The following MFSD6 variants were observed in gnomAD, a reference collection of about 807,000 sequenced individuals.
The protein encoded by MFSD6 is major facilitator superfamily domain containing 6.
Under a neutral mutation model 56.3 loss-of-function variants are expected in MFSD6, and 26 were observed. The ratio of observed to expected loss-of-function variants is 0.46; its 90% CI spans 0.34 to 0.64. The LOEUF is 0.64. MFSD6 is among the 30% of genes least tolerant of loss of function. The pLI is 0.01. For missense variants in MFSD6, 750 were observed against 986.2 expected (o/e 0.76, Z 3.21); for synonymous variants, 331 against 366.9 (o/e 0.90, Z 1.12).
chr2:190,436,260 C>G lies in MFSD6; in HGVS notation c.231C>G (p.Phe77Leu). ...DLLISKVFYFFFYSAYGSLYP... is the reference protein window; with the variant it reads ...DLLISKVFYFLFYSAYGSLYP... ...TAATTTCCAAGGTCTTTTATTTTTT[C>G]TTTTACTCTGCCTATGGCTCTCTCT... Residue 77 changes from phenylalanine to leucine, a missense_variant, in exon 3 of 8, where the codon TTC (phenylalanine) becomes TTG (leucine). This residue lies in a region of MFSD6 where 76 missense variants were observed against 101.9 expected (regional missense o/e 0.75). Transcript: ENST00000392328. This position sits in a 1 kb window ranked among gnomAD's most constrained non-coding sequence, Gnocchi z 5.3. 6.2e-7 allele frequency: 1 copy of G among 1,613,664 alleles called. No homozygotes were observed. The highest frequency in any genetic ancestry group is 8.5e-7 in the Non-Finnish European group (1 of 1,179,842).
rs1181214447 is a variant in MFSD6, at chr2:190,463,560, C to A, written c.1533-6198C>A. Among the ~76,000 whole-genome samples the A allele has an allele frequency of 6.6e-6, 1 of 152,174 alleles. No homozygotes were observed. The highest frequency in any genetic ancestry group is 6.5e-5 in the Admixed American group (1 of 15,278). On this transcript the variant is annotated intron_variant, in intron 3 of 7. Coordinates refer to ENST00000392328, the MANE Select transcript of MFSD6 (RefSeq NM_017694.4). This position sits in a 1 kb window ranked among gnomAD's most constrained non-coding sequence, Gnocchi z 4.4. ...CTGGGGCCAGGTGGATGGCTCATGCCTATAATCCCAGCAACTTTGGGAGGC... is the reference window on the plus strand; with the variant it reads ...CTGGGGCCAGGTGGATGGCTCATGCATATAATCCCAGCAACTTTGGGAGGC...
At chr2:190,441,265 G>C (rs377216926) in intron 3 of MFSD6, among the ~76,000 whole-genome samples, 1 of 151,864 alleles carries the variant, frequency 6.6e-6, no homozygotes, top group Non-Finnish European at 1.5e-5. Context: ...ACTTGGGTTC[G>C]GCTAATGTAT....
Position 190,434,497 on chromosome 2 carries a change from G to A in MFSD6, c.-53-1480G>A, listed in dbSNP as rs979702725. Among the ~76,000 whole-genome samples, 4 of 152,040 alleles carry A rather than the reference G, an allele frequency of 2.6e-5. No homozygotes were observed. Among genetic ancestry groups the A allele is most frequent in the South Asian group, 4.1e-4 (2 of 4,822 alleles). ...TGTTGCCAGGCTGGAGTGCAGTGGC[G>A]CAATCTCAGCTCACTGCAACCTCCG... is the stretch of plus-strand genomic sequence containing the variant. On this transcript the variant is annotated intron_variant, in intron 2 of 7. Transcript: ENST00000392328. This position sits in a 1 kb window ranked among gnomAD's most constrained non-coding sequence, Gnocchi z 4.3.
rs555216005 is a variant in MFSD6, at chr2:190,413,381, G to C, written c.-175-1911G>C. ...GATGTGGAAAAAAATTGAATTAAGGGGGGCAGAGATGTCTTTCTTTGACAT... is the reference window on the plus strand; with the variant it reads ...GATGTGGAAAAAAATTGAATTAAGGCGGGCAGAGATGTCTTTCTTTGACAT... On this transcript the variant is annotated intron_variant, in intron 1 of 7. Coordinates refer to ENST00000392328, the MANE Select transcript of MFSD6 (RefSeq NM_017694.4). The surrounding 1 kb of genome is among the most constrained non-coding windows in gnomAD (Gnocchi z 4.1). Among the ~76,000 whole-genome samples the C allele has an allele frequency of 1.2e-4, 19 of 152,130 alleles. No individual in the cohort carries two copies. The highest frequency in any genetic ancestry group is 2.6e-4 in the Non-Finnish European group (18 of 68,026).
In MFSD6 at chr2:190,496,824, A is replaced by G. The variant is rs56094872; in HGVS notation, c.1892-615A>G. ...GCAACTCAAGAATGGAAAACCAAAC[A>G]TCGTATATTCTCACTCATAAGTGGG... On this transcript the variant is annotated intron_variant, in intron 6 of 7. Coordinates refer to ENST00000392328, the MANE Select transcript of MFSD6 (RefSeq NM_017694.4). This position sits in a 1 kb window ranked among gnomAD's most constrained non-coding sequence, Gnocchi z 4.7. 0.23 allele frequency among the ~76,000 whole-genome samples: 34,341 copies of G among 152,178 alleles called. 4,978 individuals carry two copies. Among genetic ancestry groups the G allele is most frequent in the South Asian group, 0.34 (1,619 of 4,820 alleles).
At chr2:190,450,327 T>C (rs887575617) in intron 3 of MFSD6, among the ~76,000 whole-genome samples, 5 of 152,154 alleles carry the variant, frequency 3.3e-5, no homozygotes, top group Non-Finnish European at 7.3e-5. Flanking sequence ...GCTTACTTCA[T>C]AGCATACCTC....
At chr2:190,441,503 G>A (rs1686376829) in intron 3 of MFSD6, among the ~76,000 whole-genome samples, 2 of 152,016 alleles carry the variant, frequency 1.3e-5, no homozygotes, top group South Asian at 2.1e-4. Context: ...GGGGAAAGCA[G>A]GGCATTTATA....
chr2:190,470,394 C>G (rs1341242189), intron 4 of MFSD6, among the ~76,000 whole-genome samples: 1 of 152,194 alleles, frequency 6.6e-6, no homozygotes, highest in East Asian at 1.9e-4. Flanking sequence ...AGTGTACTGT[C>G]TCCCATCAAG....
intron 4 of MFSD6, chr2:190,477,313 C>G (rs1688392582): frequency 1.0e-6 from 1 of 984,638 alleles, no homozygotes; most frequent in African/African-American, 1.7e-5. Context: ...CCTGTTCTAT[C>G]CTGACCTGGC....
At position 190,418,721 on chromosome 2, in the gene MFSD6, C is replaced by T. The variant is rs992050016; in HGVS notation, c.-54+3308C>T. Among the ~76,000 whole-genome samples the T allele has an allele frequency of 6.6e-6, 1 of 152,164 alleles. No individual in the cohort carries two copies. Among genetic ancestry groups the T allele is most frequent in the Non-Finnish European group, 1.5e-5 (1 of 68,036 alleles). On this transcript the variant is annotated intron_variant, in intron 2 of 7. Coordinates refer to ENST00000392328, the MANE Select transcript of MFSD6 (RefSeq NM_017694.4). This position sits in a 1 kb window ranked among gnomAD's most constrained non-coding sequence, Gnocchi z 4.1. ...GCAGTGAGCTGTGATTGTGCCACTG[C>T]GCTCCAGCCTGGGTGGCAGAAGGAG... is the stretch of plus-strand genomic sequence containing the variant.
intron 4 of MFSD6, among the ~76,000 whole-genome samples, chr2:190,483,183 C>T (rs1052912224): frequency 6.6e-5 from 10 of 151,926 alleles, no homozygotes; most frequent in Non-Finnish European, 1.3e-4. Flanking sequence ...TGAGCCACCG[C>T]GCCCGGCCGA....
In MFSD6 at chr2:190,485,489, A is replaced by C. The variant is rs747083632; in HGVS notation, c.1631-3168A>C. Among the ~76,000 whole-genome samples, 12 of 152,168 alleles carry C rather than the reference A, an allele frequency of 7.9e-5. No homozygotes were observed. The highest frequency in any genetic ancestry group is 1.6e-4 in the Non-Finnish European group (11 of 68,018). On this transcript the variant is annotated intron_variant, in intron 4 of 7. Coordinates refer to ENST00000392328, the MANE Select transcript of MFSD6 (RefSeq NM_017694.4). This position sits in a 1 kb window ranked among gnomAD's most constrained non-coding sequence, Gnocchi z 5.1. ...TATTGAATCTAATTAATTTTGAATAAATTAATTTATTTCTTGGAATATTTT... is the reference window on the plus strand; with the variant it reads ...TATTGAATCTAATTAATTTTGAATACATTAATTTATTTCTTGGAATATTTT...
intron 4 of MFSD6, among the ~76,000 whole-genome samples, chr2:190,473,535 A>T (rs1316196821): frequency 1.3e-5 from 2 of 152,332 alleles, no homozygotes; most frequent in Admixed American, 1.3e-4. Flanking sequence ...TCCTAAATAT[A>T]TATGCACCCA....
Position 190,430,374 on chromosome 2 carries a change from C to G in MFSD6, c.-53-5603C>G, listed in dbSNP as rs2125029359. Among the ~76,000 whole-genome samples the G allele has an allele frequency of 1.3e-5, 2 of 151,240 alleles. 1 individual carries two copies. The highest frequency in any genetic ancestry group is 4.2e-4 in the South Asian group (2 of 4,744). On this transcript the variant is annotated intron_variant, in intron 2 of 7. Transcript: ENST00000392328. ...GCGGCCTTCCGCAGTGTTTGTGTCCCTGGGTACTTGAGATTAGGGAGTGGT... is the reference window on the plus strand; with the variant it reads ...GCGGCCTTCCGCAGTGTTTGTGTCCGTGGGTACTTGAGATTAGGGAGTGGT...
At position 190,501,296 on chromosome 2, in the gene MFSD6, C is replaced by G. The variant is rs1690010387; in HGVS notation, c.*1078C>G. On this transcript the variant is annotated 3_prime_UTR_variant, in exon 8 of 8. Coordinates refer to ENST00000392328, the MANE Select transcript of MFSD6 (RefSeq NM_017694.4). ...GAATGGGAAGGATGGCAATAAGTAG[C>G]AACTATACTTTCCAATGACTAAAGA... 1 of 152,160 alleles carries G rather than the reference C, an allele frequency of 6.6e-6. No individual in the cohort carries two copies. The highest frequency in any genetic ancestry group is 1.5e-5 in the Non-Finnish European group (1 of 68,042). 9.4% of individuals were successfully genotyped at this position (152,160 alleles called of 1,614,324 possible).
intron 3 of MFSD6, chr2:190,444,991 A>G (rs576156017): frequency 2.2e-5 from 7 of 320,510 alleles, no homozygotes; most frequent in African/African-American, 1.6e-4. Flanking sequence ...CAGGCCTCTT[A>G]TTTTACAGCC....
chr2:190,469,288 T>A lies in MFSD6; in HGVS notation c.1533-470T>A, dbSNP rs915749911. Among the ~76,000 whole-genome samples the A allele has an allele frequency of 1.3e-5, 2 of 152,170 alleles. No individual in the cohort carries two copies. Among genetic ancestry groups the A allele is most frequent in the Non-Finnish European group, 2.9e-5 (2 of 68,032 alleles). ...AAACTGCTTGGTATCTTGGGTATTATGAGCAAGGCCACATTCGTGTTTACA... is the reference window on the plus strand; with the variant it reads ...AAACTGCTTGGTATCTTGGGTATTAAGAGCAAGGCCACATTCGTGTTTACA... On this transcript the variant is annotated intron_variant, in intron 3 of 7. Coordinates refer to ENST00000392328, the MANE Select transcript of MFSD6 (RefSeq NM_017694.4). The surrounding 1 kb of genome is among the most constrained non-coding windows in gnomAD (Gnocchi z 5.3).
At position 190,471,299 on chromosome 2, in the gene MFSD6, T is replaced by C. The variant is rs1188850152; in HGVS notation, c.1630+1444T>C. ...AGCTGAAGCAGGGCGAGGCATCACC[T>C]CACCCAGGAAGCACAAGGGGTCAGG... On this transcript the variant is annotated intron_variant, in intron 4 of 7. Coordinates refer to ENST00000392328, the MANE Select transcript of MFSD6 (RefSeq NM_017694.4). The surrounding 1 kb of genome is among the most constrained non-coding windows in gnomAD (Gnocchi z 4.7). Among the ~76,000 whole-genome samples the C allele has an allele frequency of 1.3e-5, 2 of 152,188 alleles. No individual in the cohort carries two copies. The highest frequency in any genetic ancestry group is 2.9e-5 in the Non-Finnish European group (2 of 68,032).
chr2:190,469,625 G>A lies in MFSD6; in HGVS notation c.1533-133G>A, dbSNP rs1057375310. On this transcript the variant is annotated intron_variant, in intron 3 of 7. Coordinates refer to ENST00000392328, the MANE Select transcript of MFSD6 (RefSeq NM_017694.4). The surrounding 1 kb of genome is among the most constrained non-coding windows in gnomAD (Gnocchi z 5.3). ...CTCCTGAGTTTGGAGTCTGCTGGATGATGGGTGGTTTGGGGAAGGAAAAGG... is the reference window on the plus strand; with the variant it reads ...CTCCTGAGTTTGGAGTCTGCTGGATAATGGGTGGTTTGGGGAAGGAAAAGG... 1.2e-5 allele frequency: 5 copies of A among 410,442 alleles called. No homozygotes were observed. Among genetic ancestry groups the A allele is most frequent in the African/African-American group, 1.0e-4 (5 of 48,688 alleles). The allele number at this position is 410,442 out of a possible 1,614,324, so 25.4% of individuals were successfully genotyped here. A position where few individuals can be genotyped will look rare whatever the true frequency, so the allele number is the denominator to read the frequency against.
Sources: allele counts gnomAD v4.1 joint callset (sites outside exome capture counted in the v4.1 genomes callset), GRCh38; gene constraint gnomAD v4.1.1; regional missense constraint gnomAD v4.1.1; non-coding constraint Gnocchi (gnomAD v3.1); transcripts MANE v1.5; gene names NCBI Gene and HGNC (gene_info 2026-07-23, HGNC 2026-07-21).